The following UTRN variants were observed in gnomAD, a reference collection of about 807,000 sequenced individuals.
UTRN encodes utrophin.
UTRN carries 283 observed loss-of-function variants against 463.9 expected under a neutral mutation model. That is an observed-to-expected ratio of 0.61 (90% CI 0.55 to 0.67). The LOEUF (loss-of-function observed/expected upper bound fraction) is 0.67, where lower values mean the gene tolerates loss of function less well. Among genes scored for constraint, UTRN ranks in the 30% least tolerant of loss-of-function variants. The pLI is 0.00. For missense variants in UTRN, 3,922 were observed against 4,084.3 expected, an observed-to-expected ratio of 0.96 and a Z score of 1.08; for synonymous variants, 1,442 against 1,431.5, an observed-to-expected ratio of 1.01 and a Z score of -0.17.
intron 53 of UTRN, among the ~76,000 whole-genome samples, chr6:144,705,490 C>T (rs919239488): frequency 3.9e-5 from 6 of 152,170 alleles, no homozygotes; most frequent in African/African-American, 1.4e-4. Flanking sequence ...CAAGGGCCCA[C>T]TGTCTGGTTC....
At chr6:144,796,428 A>C (rs1463652257) in intron 63 of UTRN, among the ~76,000 whole-genome samples, 1 of 152,186 alleles carries the variant, frequency 6.6e-6, no homozygotes, top group Non-Finnish European at 1.5e-5. Flanking sequence ...GAACATCATA[A>C]CTACTTTAAT....
intron 51 of UTRN, among the ~76,000 whole-genome samples, chr6:144,676,923 A>G (rs1781663543): frequency 6.6e-6 from 1 of 152,194 alleles, no homozygotes; most frequent in African/African-American, 2.4e-5. Context: ...CTATGTGAAA[A>G]CGGGAGAGTA....
intron 51 of UTRN, among the ~76,000 whole-genome samples, chr6:144,606,508 A>G (rs571141448): frequency 6.6e-6 from 1 of 152,310 alleles, no homozygotes; most frequent in Admixed American, 6.5e-5. Flanking sequence ...TCATTCCAGT[A>G]AGTATCTGTT....
intron 51 of UTRN, among the ~76,000 whole-genome samples, chr6:144,604,962 A>G (rs1281640672): frequency 6.6e-6 from 1 of 152,002 alleles, no homozygotes; most frequent in Non-Finnish European, 1.5e-5. Flanking sequence ...AAAATCACTA[A>G]AGTTTGCAAA....
At chr6:144,701,054 A>T (rs1784543180) in intron 53 of UTRN, among the ~76,000 whole-genome samples, 1 of 151,954 alleles carries the variant, frequency 6.6e-6, no homozygotes, top group African/African-American at 2.4e-5. Flanking sequence ...CTACAGGCGC[A>T]TGCCACCATG....
At chr6:144,369,947 C>CTG (rs1779836147) in intron 2 of UTRN, among the ~76,000 whole-genome samples, 1 of 152,212 alleles carries the variant, frequency 6.6e-6, no homozygotes, top group Non-Finnish European at 1.5e-5. Flanking sequence ...CCATGTGGAA[C>CTG]TGTGAGTCCA....
At chr6:144,616,835 G>C (rs1483256841) in intron 51 of UTRN, among the ~76,000 whole-genome samples, 1 of 152,058 alleles carries the variant, frequency 6.6e-6, no homozygotes, top group African/African-American at 2.4e-5. Context: ...CTTGTGCCAG[G>C]TTCTATTCCA....
chr6:144,403,106 CT>C lies in UTRN; in HGVS notation c.80-12del. 2 of 1,610,980 alleles carry C rather than the reference CT, an allele frequency of 1.2e-6. No homozygotes were observed. The highest frequency in any genetic ancestry group is 1.7e-6 in the Non-Finnish European group (2 of 1,178,002). ...ACTCTCATACTTTTTCCTTCTCTTT[CT>C]TTTTCCATTCCACAGATGAACACAA... On this transcript the variant is annotated splice_polypyrimidine_tract_variant and intron_variant, in intron 2 of 74. Transcript: ENST00000367545.
rs546044416 is a variant in UTRN, at chr6:144,750,643, A to T, written c.8209-1163A>T. Among the ~76,000 whole-genome samples the T allele has an allele frequency of 3.3e-5, 5 of 152,272 alleles. No homozygotes were observed. In the South Asian group the frequency reaches 1.0e-3, roughly 32 times the overall value. On this transcript the variant is annotated intron_variant, in intron 55 of 74. Coordinates refer to ENST00000367545, the MANE Select transcript of UTRN (RefSeq NM_007124.3). ...CTAAATTTAGTTTGGTACATTATTA[A>T]CTATAATTTTGTGGCCAATTTAAAT...
At chr6:144,611,101 CA>C (rs924007517) in intron 51 of UTRN, among the ~76,000 whole-genome samples, 4 of 152,150 alleles carry the variant, frequency 2.6e-5, no homozygotes, top group African/African-American at 9.7e-5. Context: ...AAATGAATTA[CA>C]AAAACCATAT....
At chr6:144,741,488 A>G (rs918526833) in intron 54 of UTRN, among the ~76,000 whole-genome samples, 7 of 152,146 alleles carry the variant, frequency 4.6e-5, no homozygotes, top group Non-Finnish European at 8.8e-5. Context: ...TACCATTTAC[A>G]AGGGGGGTGT....
intron 7 of UTRN, among the ~76,000 whole-genome samples, chr6:144,426,758 T>A (rs1223234780): frequency 6.6e-6 from 1 of 152,222 alleles, no homozygotes; most frequent in Non-Finnish European, 1.5e-5. Flanking sequence ...CACTAACTGA[T>A]AATGTATACA....
At chr6:144,733,532 G>A (rs1206786870) in intron 54 of UTRN, among the ~76,000 whole-genome samples, 1 of 147,574 alleles carries the variant, frequency 6.8e-6, no homozygotes, top group African/African-American at 2.5e-5. Flanking sequence ...AAAAAACTTT[G>A]TAATTGAAGC....
intron 53 of UTRN, among the ~76,000 whole-genome samples, chr6:144,708,962 C>G (rs1371622601): frequency 6.6e-6 from 1 of 152,128 alleles, no homozygotes; most frequent in East Asian, 1.9e-4. Flanking sequence ...GGAAGCTGAA[C>G]TTATCCTTTG....
chr6:144,844,032 A>G (rs1479516578), intron 73 of UTRN, among the ~76,000 whole-genome samples: 1 of 152,128 alleles, frequency 6.6e-6, no homozygotes, highest in Non-Finnish European at 1.5e-5. Flanking sequence ...GAATCCTTTG[A>G]AATCTCCATG....
chr6:144,413,344 C>G (rs1286511863), intron 3 of UTRN, among the ~76,000 whole-genome samples: 1 of 152,142 alleles, frequency 6.6e-6, no homozygotes, highest in Non-Finnish European at 1.5e-5. Flanking sequence ...AGACATACTC[C>G]AGACTGGGTA....
At chr6:144,295,720 T>C (rs192675747) in intron 2 of UTRN, among the ~76,000 whole-genome samples, 9 of 152,360 alleles carry the variant, frequency 5.9e-5, no homozygotes, top group Admixed American at 5.9e-4. Context: ...CTGCTGCTGC[T>C]GATGATGACG....
At chr6:144,812,355 G>C (rs1301387274) in intron 65 of UTRN, among the ~76,000 whole-genome samples, 1 of 152,060 alleles carries the variant, frequency 6.6e-6, no homozygotes, top group African/African-American at 2.4e-5. Flanking sequence ...TATGAATACT[G>C]GGGGAAGGGG....
Position 144,482,362 on chromosome 6 carries a change from A to G in UTRN, c.3661A>G (p.Ile1221Val), listed in dbSNP as rs760948472. 1.3e-6 allele frequency: 2 copies of G among 1,596,956 alleles called. No individual in the cohort carries two copies. The highest frequency in any genetic ancestry group is 1.8e-5 in the Admixed American group (1 of 55,424). The part of the protein sequence containing the change: ...LENYQLLCNR[I>V]RGKCHTLEEV... ...GAATTACCAACTTCTTTGTAATAGA[A>G]TTCGAGGAAAGTGCCACACGCTAGA... The change falls in exon 27 of 75, where the codon ATT (isoleucine) becomes GTT (valine). Residue 1221 changes from isoleucine to valine, a missense_variant. By Grantham distance (29) the Ile-to-Val change is conservative. This residue lies in a region of UTRN where 2,349 missense variants were observed against 2,303.8 expected (regional missense o/e 1.02). Coordinates refer to ENST00000367545, the MANE Select transcript of UTRN (RefSeq NM_007124.3).
Sources: gnomAD v4.1 joint callset for allele counts (sites outside exome capture counted in the v4.1 genomes callset) on GRCh38, gnomAD v4.1.1 for gene constraint, gnomAD v4.1.1 regional missense constraint, MANE v1.5 for transcripts, NCBI Gene and HGNC (gene_info 2026-07-23, HGNC 2026-07-21) for gene names.